Variants in AUTS2 observed in about 807,000 individuals in gnomAD.
AUTS2 encodes autism susceptibility gene 2 protein.
A neutral mutation model predicts 112.4 loss-of-function variants in AUTS2; 17 were observed. The observed-to-expected ratio is 0.15, with a 90% CI of 0.10 to 0.23. The LOEUF (loss-of-function observed/expected upper bound fraction) is 0.23, where lower values mean the gene tolerates loss of function less well. Among genes scored for constraint, AUTS2 ranks in the 10% least tolerant of loss-of-function variants. The pLI is 1.00. For missense variants in AUTS2, 1,510 were observed against 1,701.6 expected (o/e 0.89, Z 1.98); for synonymous variants, 751 against 702.7 (o/e 1.07, Z -1.09).
At chr7:70,777,050 T>G in intron 13 of AUTS2, 53 bp from the exon 14 acceptor site, 2 of 1,557,074 alleles carry the variant, frequency 1.3e-6, no homozygotes, top group Non-Finnish European at 1.8e-6. Context: ...AAATTGAAGG[T>G]GGTTTTCTCT....
chr7:70,610,203 A>G (rs1407780412), intron 5 of AUTS2, among the ~76,000 whole-genome samples: 1 of 151,944 alleles, frequency 6.6e-6, no homozygotes, highest in Non-Finnish European at 1.5e-5. Flanking sequence ...TTTGCCATGT[A>G]GGCTGGGCTG....
rs560495301 is a variant in AUTS2, at chr7:70,327,182, T to C, written c.661-108570T>C. 1.6e-4 allele frequency among the ~76,000 whole-genome samples: 24 copies of C among 152,208 alleles called. No individual in the cohort carries two copies. In the South Asian group the frequency reaches 5.0e-3, roughly 32 times the overall value. Reference sequence around the variant, plus strand: ...ATCTGCCCGCCTTGGCATCCCAAAGTGCTGGGATTACAGGTGTAAGCCACC... The same window carrying C: ...ATCTGCCCGCCTTGGCATCCCAAAGCGCTGGGATTACAGGTGTAAGCCACC... On this transcript the variant is annotated intron_variant, in intron 4 of 18. Transcript: ENST00000342771.
chr7:70,771,803 C>CAA (rs1790364909), intron 11 of AUTS2, among the ~76,000 whole-genome samples, 159 bp downstream of exon 11: 1 of 152,080 alleles, frequency 6.6e-6, no homozygotes. Context: ...CTTTTTTTTC[C>CAA]AAGTCCATCT....
chr7:70,617,508 A>G (rs1381481912), intron 5 of AUTS2, among the ~76,000 whole-genome samples: 1 of 152,038 alleles, frequency 6.6e-6, no homozygotes, highest in Non-Finnish European at 1.5e-5. Context: ...CAAAAATACA[A>G]AAAAATTAGC....
chr7:70,043,590 T>TTCCC lies in AUTS2; in HGVS notation c.523-74539_523-74538insCTCC, dbSNP rs1185033114. ...CTTCCTTCCTTCCTTCCTTCCTTCC[T>TTCCC]TCCTTCCTTCCTTCCTTTTTTTTTT... On this transcript the variant is annotated intron_variant, in intron 2 of 18. Coordinates refer to ENST00000342771, the MANE Select transcript of AUTS2 (RefSeq NM_015570.4). Among the ~76,000 whole-genome samples the TTCCC allele has an allele frequency of 7.1e-4, 82 of 115,922 alleles. 3 individuals are homozygous for TTCCC. The Middle Eastern group carries it at 0.025, about 35-fold the overall frequency. The allele number at this position is 115,922 out of a possible 152,430, so 76.0% of individuals were successfully genotyped here.
chr7:70,285,094 C>T (rs1183330369), intron 4 of AUTS2, among the ~76,000 whole-genome samples: 1 of 151,982 alleles, frequency 6.6e-6, no homozygotes, highest in East Asian at 1.9e-4. Flanking sequence ...ATAGTATGAG[C>T]CATGCTGATT....
intron 6 of AUTS2, among the ~76,000 whole-genome samples, chr7:70,738,107 G>C (rs567132306): frequency 6.6e-6 from 1 of 152,232 alleles, no homozygotes; most frequent in East Asian, 1.9e-4. Context: ...AGTGCAGTTA[G>C]GAGGCTTTGA....
chr7:70,423,295 G>T (rs1168619020), intron 4 of AUTS2, among the ~76,000 whole-genome samples: 1 of 152,178 alleles, frequency 6.6e-6, no homozygotes, highest in Non-Finnish European at 1.5e-5. Flanking sequence ...TGGTAAATCA[G>T]TCCTTAAATC....
chr7:69,975,238 C>G (rs1333058293), intron 2 of AUTS2, among the ~76,000 whole-genome samples: 1 of 152,076 alleles, frequency 6.6e-6, no homozygotes, highest in Non-Finnish European at 1.5e-5. Flanking sequence ...CACTATCCTT[C>G]TTTTGTCTAG....
intron 5 of AUTS2, among the ~76,000 whole-genome samples, chr7:70,518,225 A>G (rs1799496819): frequency 6.6e-6 from 1 of 152,186 alleles, no homozygotes; most frequent in Non-Finnish European, 1.5e-5. Flanking sequence ...ATGTACTTTA[A>G]TAGGATTGCA....
chr7:70,276,679 C>T (rs1584962117), intron 4 of AUTS2, among the ~76,000 whole-genome samples: 1 of 151,956 alleles, frequency 6.6e-6, no homozygotes, highest in Admixed American at 6.6e-5. Flanking sequence ...GTGCCTGGCC[C>T]AATTTTGTGA....
intron 1 of AUTS2, among the ~76,000 whole-genome samples, chr7:69,636,519 C>A (rs1220427944): frequency 7.8e-6 from 1 of 128,506 alleles, no homozygotes; most frequent in Non-Finnish European, 1.6e-5. Flanking sequence ...GCTAGGATTA[C>A]AGGTGTGAGT....
intron 4 of AUTS2, among the ~76,000 whole-genome samples, chr7:70,188,080 T>C (rs1264119302): frequency 6.6e-6 from 1 of 152,214 alleles, no homozygotes; most frequent in Non-Finnish European, 1.5e-5. Flanking sequence ...TTTACTTCCT[T>C]GTCCCATCAC....
chr7:69,648,919 T>G (rs553153666), intron 1 of AUTS2, among the ~76,000 whole-genome samples: 1 of 152,328 alleles, frequency 6.6e-6, no homozygotes, highest in Non-Finnish European at 1.5e-5. Flanking sequence ...TCATTTTTTA[T>G]AGTGTGTTTT....
chr7:70,117,749 C>CT (rs202124430), intron 2 of AUTS2, among the ~76,000 whole-genome samples: 3,583 of 144,026 alleles, frequency 0.025, 142 homozygotes, highest in African/African-American at 0.082. Flanking sequence ...ATTGTTCACT[C>CT]TTTTTTTTTT....
intron 6 of AUTS2, among the ~76,000 whole-genome samples, chr7:70,748,303 A>G (rs1464230409): frequency 6.6e-6 from 1 of 152,206 alleles, no homozygotes. Flanking sequence ...TTATTTTCCT[A>G]CAAAGTATTT....
intron 1 of AUTS2, among the ~76,000 whole-genome samples, chr7:69,804,697 C>G (rs34837061): frequency 6.6e-6 from 1 of 152,136 alleles, no homozygotes; most frequent in Non-Finnish European, 1.5e-5. Flanking sequence ...GAGTTGTTGT[C>G]GAGAATCGTG....
At chr7:70,765,109 A>AT in intron 8 of AUTS2, 104 bp downstream of exon 8, 5 of 1,452,000 alleles carry the variant, frequency 3.4e-6, no homozygotes, top group Non-Finnish European at 4.6e-6. Context: ...TTTGCCTACA[A>AT]TTTTTTCCTT....
At chr7:69,877,334 C>G (rs1379684721) in intron 1 of AUTS2, among the ~76,000 whole-genome samples, 1 of 152,066 alleles carries the variant, frequency 6.6e-6, no homozygotes, top group Non-Finnish European at 1.5e-5. Context: ...ATTGTGAACC[C>G]CAGTTGGACA....
Sources: gnomAD v4.1 joint callset for allele counts (sites outside exome capture counted in the v4.1 genomes callset) on GRCh38, gnomAD v4.1.1 for gene constraint, MANE v1.5 for transcripts, NCBI Gene and HGNC (gene_info 2026-07-23, HGNC 2026-07-21) for gene names.